DEPTOR: variants seen among roughly 807,000 people sequenced by gnomAD.
The protein encoded by DEPTOR is DEP domain-containing mTOR-interacting protein.
DEPTOR carries 41 observed loss-of-function variants against 41.6 expected under a neutral mutation model. The observed-to-expected ratio is 0.98, with a 90% CI of 0.77 to 1.28. The LOEUF (loss-of-function observed/expected upper bound fraction) is 1.28, where lower values mean the gene tolerates loss of function less well. DEPTOR is among the 50% of genes most tolerant of loss of function. The probability of loss-of-function intolerance (pLI) is 0.00; values close to 1 mark genes in which losing one functional copy is unlikely to be tolerated. For missense variants in DEPTOR, 514 were observed against 527.9 expected (o/e 0.97, Z 0.26); for synonymous variants, 195 against 192.3 (o/e 1.01, Z -0.12).
intron 8 of DEPTOR, among the ~76,000 whole-genome samples, chr8:120,031,092 G>T (rs1352824108): frequency 2.0e-5 from 3 of 152,108 alleles, no homozygotes; most frequent in African/African-American, 7.2e-5. Flanking sequence ...TACTTTGGGG[G>T]CCCAAGGTGG....
At chr8:119,974,739 T>C (rs1828676274) in intron 4 of DEPTOR, among the ~76,000 whole-genome samples, 1 of 151,312 alleles carries the variant, frequency 6.6e-6, no homozygotes, top group African/African-American at 2.4e-5. Context: ...GCCACTGCAC[T>C]CCAGCCTGGG....
chr8:119,977,135 G>A (rs1828705140), intron 4 of DEPTOR, among the ~76,000 whole-genome samples: 1 of 152,142 alleles, frequency 6.6e-6, no homozygotes, highest in Non-Finnish European at 1.5e-5. Context: ...CAAGTAGCTA[G>A]AATTACAGGC....
chr8:119,943,901 A>C (rs10095955), intron 3 of DEPTOR, among the ~76,000 whole-genome samples: 7,623 of 152,148 alleles, frequency 0.05, 300 homozygotes, highest in South Asian at 0.17. Context: ...GCAGTGGCTC[A>C]ATCTTGGCTC....
chr8:119,910,285 C>A (rs765571643), intron 1 of DEPTOR, among the ~76,000 whole-genome samples: 5 of 150,846 alleles, frequency 3.3e-5, no homozygotes, highest in Non-Finnish European at 7.4e-5. Context: ...CCAGAAGGTG[C>A]TTTTCACTGG....
intron 4 of DEPTOR, among the ~76,000 whole-genome samples, chr8:119,982,067 T>G (rs868101625): frequency 8.6e-5 from 13 of 151,310 alleles, no homozygotes; most frequent in African/African-American, 2.9e-4. Flanking sequence ...GGGGGTCCTT[T>G]GGAGTTTTAC....
chr8:119,920,396 G>A (rs868234063), intron 1 of DEPTOR, among the ~76,000 whole-genome samples: 2 of 152,110 alleles, frequency 1.3e-5, no homozygotes, highest in Admixed American at 6.6e-5. Context: ...TACTGTTGGC[G>A]CTAAAATATT....
In DEPTOR at chr8:120,039,695, C is replaced by T. The variant is rs565774306; in HGVS notation, c.1102-9881C>T. On this transcript the variant is annotated intron_variant, in intron 8 of 8. Transcript: ENST00000286234. ...GCCAAAAAGCCTGAGTCCTTATTCT[C>T]AGGAGCCTGATTATTATCTCCGATA... Among the ~76,000 whole-genome samples the T allele has an allele frequency of 2.6e-5, 4 of 152,232 alleles. No homozygotes were observed. In the South Asian group the frequency reaches 8.3e-4, roughly 32 times the overall value.
chr8:119,923,893 C>CTTTTCTTTTT lies in DEPTOR; in HGVS notation c.123-4503_123-4502insCTTTTTTTTT, dbSNP rs1554673843. On this transcript the variant is annotated intron_variant, in intron 1 of 8. Transcript: ENST00000286234. The stretch of plus-strand genomic sequence containing the variant: ...TTTTCCTTTCTTTTCTTTTTTCTTT[C>CTTTTCTTTTT]TTTTTTTTTTTTGGTATTATTTTTG... Among the ~76,000 whole-genome samples the CTTTTCTTTTT allele has an allele frequency of 8.1e-3, 849 of 104,952 alleles. 13 individuals carry two copies. Among genetic ancestry groups the CTTTTCTTTTT allele is most frequent in the African/African-American group, 0.023 (747 of 32,846 alleles). 68.9% of individuals were successfully genotyped at this position (104,952 alleles called of 152,430 possible). A position where few individuals can be genotyped will look rare whatever the true frequency, so the allele number is the denominator to read the frequency against.
At chr8:119,874,146 C>T (rs1235700694) in intron 1 of DEPTOR, 178 bp downstream of exon 1, 1 of 987,728 alleles carries the variant, frequency 1.0e-6, no homozygotes, top group Non-Finnish European at 1.4e-6. Context: ...AGCCTCGGTC[C>T]CTGAGGACTC....
chr8:119,876,843 T>C (rs1827237257), intron 1 of DEPTOR, among the ~76,000 whole-genome samples: 1 of 152,114 alleles, frequency 6.6e-6, no homozygotes, highest in African/African-American at 2.4e-5. Flanking sequence ...AAAAAGACAA[T>C]GAAGATGAAT....
chr8:119,889,576 C>G (rs1003102420), intron 1 of DEPTOR, among the ~76,000 whole-genome samples: 6 of 40,966 alleles, frequency 1.5e-4, no homozygotes, highest in East Asian at 5.3e-3. Context: ...GGAGAGGAGA[C>G]GGGAGGGGAG....
At chr8:119,951,365 T>C (rs1428001653) in intron 3 of DEPTOR, among the ~76,000 whole-genome samples, 1 of 152,178 alleles carries the variant, frequency 6.6e-6, no homozygotes, top group Non-Finnish European at 1.5e-5. Context: ...ACTTGGTTTC[T>C]CTCCTTCTTA....
rs1813205536 is a variant in DEPTOR at position 120,049,658 on chromosome 8, G to T, written c.1184G>T (p.Gly395Val). ...ACCGTGAGCAATCTGATTCTGACGGGCCCACGGACGATTGTCATGGAAGTC... is the reference window on the plus strand; with the variant it reads ...ACCGTGAGCAATCTGATTCTGACGGTCCCACGGACGATTGTCATGGAAGTC... ...YRTVSNLILT[G>V]PRTIVMEVME... Residue 395 changes from glycine to valine, a missense_variant, in exon 9 of 9, where the codon GGC becomes GTC. Physicochemically the swap from Gly to Val is moderately radical, Grantham distance 109. Transcript: ENST00000286234. The T allele has an allele frequency of 6.2e-7, 1 of 1,613,912 alleles. No individual in the cohort carries two copies. The highest frequency in any genetic ancestry group is 8.5e-7 in the Non-Finnish European group (1 of 1,179,928).
At position 120,003,117 on chromosome 8, in the gene DEPTOR, T is replaced by C. The variant is rs776018417; in HGVS notation, c.925+6T>C. Reference sequence around the variant, plus strand: ...GCTCTGCAACCCCAAGTCCGGTGAGTGCCCAAAAGGTGGCCCCGCTCCTAA... The same window carrying C: ...GCTCTGCAACCCCAAGTCCGGTGAGCGCCCAAAAGGTGGCCCCGCTCCTAA... On this transcript the variant is annotated splice_donor_region_variant and intron_variant, in intron 6 of 8. Transcript: ENST00000286234. 8 of 1,610,884 alleles carry C rather than the reference T, an allele frequency of 5.0e-6. No individual in the cohort carries two copies. In the South Asian group the frequency reaches 7.7e-5, roughly 15 times the overall value.
chr8:119,879,153 A>T (rs1419092325), intron 1 of DEPTOR, among the ~76,000 whole-genome samples: 1 of 151,956 alleles, frequency 6.6e-6, no homozygotes, highest in African/African-American at 2.4e-5. Flanking sequence ...AGCCTCCAGG[A>T]TGGGTATAAC....
At chr8:119,903,222 C>G (rs1183734644) in intron 1 of DEPTOR, among the ~76,000 whole-genome samples, 1 of 152,128 alleles carries the variant, frequency 6.6e-6, no homozygotes, top group Non-Finnish European at 1.5e-5. Context: ...CCTCAGCCTC[C>G]CAAGTAGCTG....
Position 119,959,956 on chromosome 8 carries a change from G to A in DEPTOR, c.426-5276G>A, listed in dbSNP as rs967202974. Among the ~76,000 whole-genome samples the A allele has an allele frequency of 5.3e-5, 8 of 152,038 alleles. No homozygotes were observed. In the South Asian group the frequency reaches 6.2e-4, roughly 12 times the overall value. ...AAGGGTGTACATTCATGGGCCAGGC[G>A]CAGTGGCTCACACCCGTAATCCCAG... On this transcript the variant is annotated intron_variant, in intron 3 of 8. Transcript: ENST00000286234.
chr8:120,015,179 T>C (rs1812590493), intron 8 of DEPTOR, among the ~76,000 whole-genome samples: 1 of 152,176 alleles, frequency 6.6e-6, no homozygotes, highest in African/African-American at 2.4e-5. Context: ...ATCCGGGCCC[T>C]GCTTATCATA....
intron 8 of DEPTOR, among the ~76,000 whole-genome samples, chr8:120,034,450 T>C (rs1472548398): frequency 5.3e-5 from 7 of 132,574 alleles, no homozygotes; most frequent in Middle Eastern, 3.6e-3. Flanking sequence ...TTTCTTTTTT[T>C]TTTTTTTTTT....
Sources: gnomAD v4.1 joint callset for allele counts (sites outside exome capture counted in the v4.1 genomes callset) on GRCh38, gnomAD v4.1.1 for gene constraint, MANE v1.5 for transcripts, NCBI Gene and HGNC (gene_info 2026-07-23, HGNC 2026-07-21) for gene names.